The following RAB28 variants were observed in gnomAD, a reference collection of about 807,000 sequenced individuals.
RAB28 encodes the protein ras-related protein Rab-28.
In RAB28, 24 loss-of-function variants were observed where a neutral mutation model predicts 31.7. The ratio of observed to expected loss-of-function variants is 0.76; its 90% CI spans 0.55 to 1.06. The LOEUF is 1.06. Among genes scored for constraint, RAB28 ranks in the 50% least tolerant of loss-of-function variants. The pLI, the probability that RAB28 is intolerant of heterozygous loss-of-function variation, is 0.00. For synonymous variants in RAB28, 100 were observed against 90.4 expected, an observed-to-expected ratio of 1.11 and a Z score of -0.60; for missense variants, 254 against 258.5, an observed-to-expected ratio of 0.98 and a Z score of 0.12.
At chr4:13,395,411 G>C (rs560576013) in intron 4 of RAB28, among the ~76,000 whole-genome samples, 3 of 151,938 alleles carry the variant, frequency 2.0e-5, no homozygotes, top group Admixed American at 2.0e-4. Flanking sequence ...TCCATGATTA[G>C]CCCAAACATA....
chr4:13,451,831 T>C (rs1269086931), intron 4 of RAB28, among the ~76,000 whole-genome samples: 1 of 152,014 alleles, frequency 6.6e-6, no homozygotes, highest in Non-Finnish European at 1.5e-5. Context: ...CCCAGCAGCA[T>C]TTATTGAAGA....
intron 4 of RAB28, among the ~76,000 whole-genome samples, chr4:13,418,079 C>T (rs12647363): frequency 0.24 from 36,339 of 152,052 alleles, 5,750 homozygotes; most frequent in East Asian, 0.56. Flanking sequence ...GAGCTGAAAA[C>T]CAGGGCACAA....
chr4:13,464,350 A>C (rs1715741012), intron 3 of RAB28, among the ~76,000 whole-genome samples: 1 of 152,150 alleles, frequency 6.6e-6, no homozygotes, highest in Non-Finnish European at 1.5e-5. Flanking sequence ...CTGCAGAATA[A>C]ATGGCTTAAT....
At position 13,443,676 on chromosome 4, in the gene RAB28, C is replaced by T. The variant is rs185203780; in HGVS notation, c.391+17023G>A. On this transcript the variant is annotated intron_variant, in intron 4 of 6. Transcript: ENST00000330852. The stretch of plus-strand genomic sequence containing the variant: ...CCATAACCTCACTTATCATACTTGT[C>T]ATTTTTTGTGGTGAGAACATTTAAG... Among the ~76,000 whole-genome samples, 35 of 152,244 alleles carry T rather than the reference C, an allele frequency of 2.3e-4. No individual in the cohort carries two copies. The East Asian group carries it at 6.7e-3, about 29-fold the overall frequency.
At chr4:13,375,043 C>A (rs1728865333) in intron 6 of RAB28, among the ~76,000 whole-genome samples, 1 of 152,104 alleles carries the variant, frequency 6.6e-6, no homozygotes, top group Admixed American at 6.6e-5. Context: ...CCTCTTTCAG[C>A]CATTTTCTCC....
intron 6 of RAB28, chr4:13,370,054 T>G: frequency 6.7e-7 from 1 of 1,501,580 alleles, no homozygotes; most frequent in Non-Finnish European, 8.8e-7. Context: ...TGACTGAATA[T>G]AGAAGGAAAC....
rs1228566531 is a variant in RAB28 at position 13,483,366 on chromosome 4, G to A, written c.75+710C>T. On this transcript the variant is annotated intron_variant, in intron 1 of 6. Coordinates refer to ENST00000330852, the MANE Select transcript of RAB28 (RefSeq NM_001017979.3). ...ACCCTCAGCATCCTACCCGTAACAG[G>A]AGCTCCATAAACACTTGTTGACTGA... 2.0e-5 allele frequency among the ~76,000 whole-genome samples: 3 copies of A among 152,168 alleles called. No individual in the cohort carries two copies. The South Asian group carries it at 6.2e-4, about 31-fold the overall frequency.
intron 2 of RAB28, among the ~76,000 whole-genome samples, chr4:13,476,628 C>T (rs1029836518): frequency 6.6e-6 from 1 of 151,392 alleles, no homozygotes; most frequent in Non-Finnish European, 1.5e-5. Flanking sequence ...TGATTCAAAT[C>T]AATATTCATT....
intron 4 of RAB28, among the ~76,000 whole-genome samples, chr4:13,456,704 C>T (rs914838013): frequency 1.3e-5 from 2 of 152,038 alleles, no homozygotes; most frequent in African/African-American, 4.8e-5. Context: ...AAAAATAGAA[C>T]ACGGAATAAT....
chr4:13,467,860 T>G (rs1715934893), intron 3 of RAB28, among the ~76,000 whole-genome samples: 1 of 151,972 alleles, frequency 6.6e-6, no homozygotes, highest in Non-Finnish European at 1.5e-5. Flanking sequence ...AAACAAGACT[T>G]GACTGTATAT....
chr4:13,385,416 T>G (rs1309612456), intron 4 of RAB28, among the ~76,000 whole-genome samples: 1 of 151,824 alleles, frequency 6.6e-6, no homozygotes, highest in South Asian at 2.1e-4. Flanking sequence ...TCCTCCAAGG[T>G]TGAAATAAAA....
At chr4:13,408,040 C>T in intron 4 of RAB28, among the ~76,000 whole-genome samples, 1 of 152,156 alleles carries the variant, frequency 6.6e-6, no homozygotes, top group Non-Finnish European at 1.5e-5. Context: ...CCAGAACTTC[C>T]AATACTATGT....
intron 1 of RAB28, 136 bp downstream of exon 1, chr4:13,483,940 G>A: frequency 1.3e-6 from 1 of 770,244 alleles, no homozygotes; most frequent in Non-Finnish European, 2.1e-6. Flanking sequence ...CCGGCCTCAG[G>A]CCACACAACC....
chr4:13,449,301 A>T (rs1383987923), intron 4 of RAB28, among the ~76,000 whole-genome samples: 4 of 151,982 alleles, frequency 2.6e-5, no homozygotes, highest in South Asian at 2.1e-4. Context: ...GACTCAAAAG[A>T]GTCACAGTAT....
chr4:13,416,861 C>G (rs1030063492), intron 4 of RAB28, among the ~76,000 whole-genome samples: 1 of 152,198 alleles, frequency 6.6e-6, no homozygotes, highest in African/African-American at 2.4e-5. Context: ...AAAAGAGGTA[C>G]ATGGTTCATC....
chr4:13,431,698 T>C lies in RAB28; in HGVS notation c.391+29001A>G, dbSNP rs577786431. 7.2e-4 allele frequency among the ~76,000 whole-genome samples: 109 copies of C among 152,136 alleles called. 2 individuals carry two copies. Among genetic ancestry groups the C allele is most frequent in the Non-Finnish European group, 4.4e-4 (30 of 67,998 alleles). On this transcript the variant is annotated intron_variant, in intron 4 of 6. Coordinates refer to ENST00000330852, the MANE Select transcript of RAB28 (RefSeq NM_001017979.3). Reference sequence around the variant, plus strand: ...ACAACCAAGGAGCCCACACAGAGCCTTGGTCCCCTGAAAGCACCCAGAAAC... The same window carrying C: ...ACAACCAAGGAGCCCACACAGAGCCCTGGTCCCCTGAAAGCACCCAGAAAC...
chr4:13,437,997 T>C (rs975680052), intron 4 of RAB28, among the ~76,000 whole-genome samples: 1 of 152,126 alleles, frequency 6.6e-6, no homozygotes, highest in Non-Finnish European at 1.5e-5. Context: ...ATAATCACCA[T>C]AGAATACTAC....
intron 4 of RAB28, among the ~76,000 whole-genome samples, chr4:13,412,070 A>G (rs1352014006): frequency 6.6e-6 from 1 of 152,148 alleles, no homozygotes; most frequent in African/African-American, 2.4e-5. Context: ...GAACCTATGA[A>G]ACATCTACAG....
intron 5 of RAB28, among the ~76,000 whole-genome samples, chr4:13,378,963 C>A (rs1039207675): frequency 2.0e-5 from 3 of 152,086 alleles, no homozygotes; most frequent in Non-Finnish European, 2.9e-5. Context: ...GTAACCCCAA[C>A]ACTTTGGGAG....
Sources: gnomAD v4.1 joint callset for allele counts (sites outside exome capture counted in the v4.1 genomes callset) on GRCh38, gnomAD v4.1.1 for gene constraint, MANE v1.5 for transcripts, NCBI Gene and HGNC (gene_info 2026-07-23, HGNC 2026-07-21) for gene names.